Variants in TXLNG observed in about 807,000 individuals in gnomAD.
The protein encoded by TXLNG is taxilin gamma.
TXLNG carries 5 observed loss-of-function variants against 38.8 expected under a neutral mutation model. The ratio of observed to expected loss-of-function variants is 0.13; its 90% CI spans 0.07 to 0.27. The LOEUF (loss-of-function observed/expected upper bound fraction) is 0.27, where lower values mean the gene tolerates loss of function less well. TXLNG is among the 10% of genes least tolerant of loss of function. TXLNG has a pLI of 1.00. For synonymous variants in TXLNG, 182 were observed against 158.2 expected (o/e 1.15, Z -1.13); for missense variants, 393 against 398.2 (o/e 0.99, Z 0.11).
chrX:16,838,797 C>T (rs1283369160), intron 8 of TXLNG, among the ~76,000 whole-genome samples: 2 of 111,819 alleles, frequency 1.8e-5, no homozygotes, highest in East Asian at 2.8e-4. Flanking sequence ...AGAGAGTTCC[C>T]GCCTCCTGGA....
At chrX:16,787,430 G>GA (rs1927535194) in intron 1 of TXLNG, among the ~76,000 whole-genome samples, 2 of 110,947 alleles carry the variant, frequency 1.8e-5, no homozygotes, top group South Asian at 7.7e-4. Context: ...GTGGAAACTT[G>GA]AATGCCTTCC....
At chrX:16,832,200 C>T (rs1453567471) in intron 5 of TXLNG, among the ~76,000 whole-genome samples, 1 of 112,198 alleles carries the variant, frequency 8.9e-6, no homozygotes, top group African/African-American at 3.2e-5. Flanking sequence ...ATGCTGCCTC[C>T]AGCTAAGGAA....
intron 3 of TXLNG, among the ~76,000 whole-genome samples, chrX:16,822,008 TAAAA>T (rs2147484487): frequency 9.5e-6 from 1 of 104,994 alleles, no homozygotes; most frequent in African/African-American, 3.5e-5. Flanking sequence ...AAATAAAAAA[TAAAA>T]AAACTGAATT....
At chrX:16,840,934 C>T (rs1017382257) in intron 9 of TXLNG, among the ~76,000 whole-genome samples, 11 of 111,702 alleles carry the variant, frequency 9.8e-5, no homozygotes, top group East Asian at 2.8e-4. Flanking sequence ...CTTTGGCTCA[C>T]GCCTGTAATC....
intron 5 of TXLNG, among the ~76,000 whole-genome samples, chrX:16,832,182 A>G (rs1214496660): frequency 8.9e-6 from 1 of 112,327 alleles, no homozygotes; most frequent in Non-Finnish European, 1.9e-5. Context: ...CATTCCTACC[A>G]TCATACCATG....
rs140201525 is a variant in TXLNG, at chrX:16,836,764, C to T, written c.1060-829C>T. Among the ~76,000 whole-genome samples the T allele has an allele frequency of 7.9e-3, 891 of 112,303 alleles. 12 individuals are homozygous for T. The highest frequency in any genetic ancestry group is 0.028 in the African/African-American group (864 of 30,946). On this transcript the variant is annotated intron_variant, in intron 7 of 9. Transcript: ENST00000380122. ...TCTTCTCTGCTTTTCTTATATCTATCGTGTGATCTTGCCCAAAATACTTTA... is the reference window on the plus strand; with the variant it reads ...TCTTCTCTGCTTTTCTTATATCTATTGTGTGATCTTGCCCAAAATACTTTA...
intron 1 of TXLNG, among the ~76,000 whole-genome samples, chrX:16,787,038 C>T (rs1927515994): frequency 8.9e-6 from 1 of 112,632 alleles, no homozygotes; most frequent in African/African-American, 3.2e-5. Context: ...CGGGCAGGTG[C>T]GCAGGGCGCG....
rs987463230 is a variant in TXLNG, at chrX:16,842,642, G to T, written c.*876G>T. 3.6e-5 allele frequency: 4 copies of T among 112,388 alleles called. No individual in the cohort carries two copies. The Admixed American group carries it at 3.8e-4, about 11-fold the overall frequency. The allele number at this position is 112,388 out of a possible 1,213,427, so 9.3% of individuals were successfully genotyped here. A position where few individuals can be genotyped will look rare whatever the true frequency, so the allele number is the denominator to read the frequency against. Reference sequence around the variant, plus strand: ...TCAAAGACAAGGACGGTCAATTCACGTGTCACTTTCACTAGGCAGAAGTTT... The same window carrying T: ...TCAAAGACAAGGACGGTCAATTCACTTGTCACTTTCACTAGGCAGAAGTTT... On this transcript the variant is annotated 3_prime_UTR_variant, in exon 10 of 10. Coordinates refer to ENST00000380122, the MANE Select transcript of TXLNG (RefSeq NM_018360.3).
In TXLNG at chrX:16,844,136, T is replaced by C. The variant is rs1254434973; in HGVS notation, c.*2370T>C. The C allele has an allele frequency of 8.9e-6, 1 of 111,867 alleles. No homozygotes were observed. Among genetic ancestry groups the C allele is most frequent in the Non-Finnish European group, 1.9e-5 (1 of 53,161 alleles). The allele number at this position is 111,867 out of a possible 1,213,427, so 9.2% of individuals were successfully genotyped here. On this transcript the variant is annotated 3_prime_UTR_variant, in exon 10 of 10. Transcript: ENST00000380122. ...CTCCAAGGTGTAGAGAAAACTTGGG[T>C]CTTGGGTAATATGGACCATTTCATC...
intron 1 of TXLNG, among the ~76,000 whole-genome samples, chrX:16,794,258 G>A (rs972212081): frequency 2.7e-5 from 3 of 112,240 alleles, no homozygotes; most frequent in African/African-American, 9.7e-5. Context: ...AGCAAAACAT[G>A]CTGGTAGATA....
chrX:16,830,204 C>T (rs111753288), intron 5 of TXLNG, among the ~76,000 whole-genome samples: 3,365 of 106,465 alleles, frequency 0.032, 165 homozygotes, highest in African/African-American at 0.11. Flanking sequence ...TAAATGAGGG[C>T]TTTATATTAT....
At chrX:16,796,572 T>C (rs188571648) in intron 1 of TXLNG, among the ~76,000 whole-genome samples, 12 of 112,147 alleles carry the variant, frequency 1.1e-4, no homozygotes, top group African/African-American at 2.9e-4. Context: ...GGAAAGTGTT[T>C]ATACCAGTTG....
Position 16,821,778 on chromosome X carries a change from C to T in TXLNG, c.498+1523C>T, listed in dbSNP as rs925045536. ...GGCCAAGGTGGGCGGATCACGAGGT[C>T]AGGAGATCGAGACCATCCTGGCTAA... On this transcript the variant is annotated intron_variant, in intron 3 of 9. Coordinates refer to ENST00000380122, the MANE Select transcript of TXLNG (RefSeq NM_018360.3). 4.6e-5 allele frequency among the ~76,000 whole-genome samples: 5 copies of T among 108,382 alleles called. No individual in the cohort carries two copies. In the East Asian group the frequency reaches 1.2e-3, roughly 25 times the overall value. 94.1% of individuals were successfully genotyped at this position (108,382 alleles called of 115,157 possible).
intron 1 of TXLNG, among the ~76,000 whole-genome samples, chrX:16,799,897 A>T (rs1264663131): frequency 1.8e-5 from 2 of 111,848 alleles, no homozygotes; most frequent in African/African-American, 6.5e-5. Flanking sequence ...CACATAGTAA[A>T]CTTAGATATT....
At position 16,827,867 on chromosome X, in the gene TXLNG, G is replaced by A. The variant is rs776826126; in HGVS notation, c.499-227G>A. Among the ~76,000 whole-genome samples the A allele has an allele frequency of 2.6e-3, 291 of 112,066 alleles. 1 individual carries two copies. The highest frequency in any genetic ancestry group is 8.9e-3 in the African/African-American group (274 of 30,880). ...AGGATTTTTTTTTAAAAAAGAAAAA[G>A]ATGGATTATTTTCTGCTGCCCTAAA... On this transcript the variant is annotated intron_variant, in intron 3 of 9. Transcript: ENST00000380122.
intron 1 of TXLNG, among the ~76,000 whole-genome samples, chrX:16,811,879 A>G (rs187190918): frequency 9.1e-6 from 1 of 110,423 alleles, no homozygotes; most frequent in Non-Finnish European, 1.9e-5. Flanking sequence ...TGACCTCGTC[A>G]TCTGCCTGCC....
At chrX:16,833,305 A>G (rs753227833) in intron 6 of TXLNG, among the ~76,000 whole-genome samples, 10 of 112,431 alleles carry the variant, frequency 8.9e-5, no homozygotes, top group African/African-American at 3.2e-4. Context: ...CTCAGATTCT[A>G]TTGCCTGTCA....
chrX:16,827,981 A>C (rs1278015497), intron 3 of TXLNG, 113 bp from the exon 4 acceptor site: 12 of 616,672 alleles, frequency 1.9e-5, no homozygotes, highest in Non-Finnish European at 1.9e-5. Context: ...TAATATATTA[A>C]ACCATAGTAT....
Position 16,843,333 on chromosome X carries a change from C to T in TXLNG, c.*1567C>T, listed in dbSNP as rs1308685660. The T allele has an allele frequency of 3.6e-5, 4 of 111,864 alleles. No individual in the cohort carries two copies. The highest frequency in any genetic ancestry group is 9.5e-5 in the Admixed American group (1 of 10,554). 9.2% of individuals were successfully genotyped at this position (111,864 alleles called of 1,213,427 possible). On this transcript the variant is annotated 3_prime_UTR_variant, in exon 10 of 10. Coordinates refer to ENST00000380122, the MANE Select transcript of TXLNG (RefSeq NM_018360.3). ...TCCAACAGATAGATAGATAGGAAAC[C>T]GCCTGGAGTGGAGGAGGGTTGTATC...
Sources: gnomAD v4.1 joint callset for allele counts (sites outside exome capture counted in the v4.1 genomes callset) on GRCh38, gnomAD v4.1.1 for gene constraint, MANE v1.5 for transcripts, NCBI Gene and HGNC (gene_info 2026-07-23, HGNC 2026-07-21) for gene names.